The following PIK3C2A variants were observed in gnomAD, a reference collection of about 807,000 sequenced individuals.
The protein encoded by PIK3C2A is phosphatidylinositol 4-phosphate 3-kinase C2 domain-containing subunit alpha.
PIK3C2A carries 97 observed loss-of-function variants against 204.5 expected under a neutral mutation model. The ratio of observed to expected loss-of-function variants is 0.47; its 90% CI spans 0.40 to 0.56. PIK3C2A has a LOEUF of 0.56. Among genes scored for constraint, PIK3C2A ranks in the 20% least tolerant of loss-of-function variants. The probability of loss-of-function intolerance (pLI) is 0.00; values close to 1 mark genes in which losing one functional copy is unlikely to be tolerated. For synonymous variants in PIK3C2A, 653 were observed against 664.4 expected (o/e 0.98, Z 0.26); for missense variants, 1,735 against 1,969.2 (o/e 0.88, Z 2.25).
chr11:17,118,453 C>T (rs762468987), intron 18 of PIK3C2A, among the ~76,000 whole-genome samples, 192 bp downstream of exon 18: 1 of 152,034 alleles, frequency 6.6e-6, no homozygotes, highest in Non-Finnish European at 1.5e-5. Flanking sequence ...CTATAAGACA[C>T]CAAATTTTTG....
At chr11:17,167,274 A>C (rs1590985366) in intron 2 of PIK3C2A, among the ~76,000 whole-genome samples, 1 of 152,104 alleles carries the variant, frequency 6.6e-6, no homozygotes, top group South Asian at 2.1e-4. Flanking sequence ...TGCTGTCTAA[A>C]CCTTCTTAAC....
intron 26 of PIK3C2A, among the ~76,000 whole-genome samples, chr11:17,099,095 A>G (rs1398468394): frequency 5.9e-5 from 9 of 152,118 alleles, no homozygotes; most frequent in Admixed American, 5.9e-4. Context: ...GGGTTTCTCC[A>G]TGTTGGTCAG....
At chr11:17,120,800 C>T (rs1185421292) in intron 15 of PIK3C2A, among the ~76,000 whole-genome samples, 2 of 151,988 alleles carry the variant, frequency 1.3e-5, no homozygotes, top group Non-Finnish European at 2.9e-5. Context: ...CAGCTATAAT[C>T]TCATTTTTAT....
chr11:17,193,907 GAAAAGAA>G (rs2137560237), intron 1 of PIK3C2A: 1 of 240,286 alleles, frequency 4.2e-6, no homozygotes, highest in Non-Finnish European at 7.6e-6. Context: ...GAAAAGAAAA[GAAAAGAA>G]AAGAAACCCC....
Position 17,145,668 on chromosome 11 carries a change from T to A in PIK3C2A, c.1704A>T (p.Glu568Asp). The A allele has an allele frequency of 1.0e-5, 16 of 1,586,246 alleles. No individual in the cohort carries two copies. Among genetic ancestry groups the A allele is most frequent in the Non-Finnish European group, 1.4e-5 (16 of 1,157,314 alleles). ...TGCCAAAATGTGAATTAAGACTTAC[T>A]TCAATTTGAAGAGCCAGTTCTACTT... The part of the protein sequence containing the change: ...HNQVELALQI[E>D]NQHRAVDQVI... Residue 568 changes from glutamate to aspartate, a missense_variant and splice_region_variant, in exon 8 of 33, where the codon GAA (glutamate) becomes GAT (aspartate). Physicochemically the swap from Glu to Asp is conservative, Grantham distance 45. This residue lies in a region of PIK3C2A where 106 missense variants were observed against 108.2 expected (regional missense o/e 0.98). Coordinates refer to ENST00000691414, the MANE Select transcript of PIK3C2A (RefSeq NM_002645.4).
chr11:17,132,773 A>G (rs1849741500), intron 11 of PIK3C2A, among the ~76,000 whole-genome samples: 2 of 152,228 alleles, frequency 1.3e-5, no homozygotes, highest in South Asian at 4.1e-4. Flanking sequence ...AGCTACTGAA[A>G]TAGAGTCAGC....
At position 17,144,809 on chromosome 11, in the gene PIK3C2A, T is replaced by C. The variant is rs556786722; in HGVS notation, c.1704+859A>G. Among the ~76,000 whole-genome samples, 215 of 140,388 alleles carry C rather than the reference T, an allele frequency of 1.5e-3. 1 individual carries two copies. The highest frequency in any genetic ancestry group is 3.8e-4 in the Non-Finnish European group (25 of 66,428). The allele number at this position is 140,388 out of a possible 152,430, so 92.1% of individuals were successfully genotyped here. A position where few individuals can be genotyped will look rare whatever the true frequency, so the allele number is the denominator to read the frequency against. On this transcript the variant is annotated intron_variant, in intron 8 of 32. Coordinates refer to ENST00000691414, the MANE Select transcript of PIK3C2A (RefSeq NM_002645.4). ...TACTCAGGAGGCTGAGGCAGGAGAA[T>C]CATTTGAACCAGGAGGCAGAGGTTG...
intron 8 of PIK3C2A, among the ~76,000 whole-genome samples, chr11:17,136,900 T>C (rs1220720440): frequency 6.6e-6 from 1 of 152,238 alleles, no homozygotes; most frequent in African/African-American, 2.4e-5. Context: ...CATAAATTAG[T>C]AGCAAATCAC....
chr11:17,148,619 TA>T (rs1423471888), intron 5 of PIK3C2A, 47 bp downstream of exon 5: 3 of 1,575,824 alleles, frequency 1.9e-6, no homozygotes, highest in Admixed American at 3.5e-5. Flanking sequence ...ATTAAACCAT[TA>T]AAAATGAAAT....
At chr11:17,106,051 G>A (rs1464141967) in intron 22 of PIK3C2A, among the ~76,000 whole-genome samples, 2 of 151,778 alleles carry the variant, frequency 1.3e-5, no homozygotes, top group African/African-American at 2.4e-5. Context: ...AGAGGTTGCA[G>A]TGAGCCAAGA....
chr11:17,137,423 C>CTTTTTTTTTTTTTTTTTTTT lies in PIK3C2A; in HGVS notation c.1705-799_1705-798insAAAAAAAAAAAAAAAAAAAA, dbSNP rs33912263. 1.6e-5 allele frequency among the ~76,000 whole-genome samples: 2 copies of CTTTTTTTTTTTTTTTTTTTT among 125,050 alleles called. 1 individual carries two copies. The highest frequency in any genetic ancestry group is 5.9e-5 in the African/African-American group (2 of 33,732). The allele number at this position is 125,050 out of a possible 152,430, so 82.0% of individuals were successfully genotyped here. A position where few individuals can be genotyped will look rare whatever the true frequency, so the allele number is the denominator to read the frequency against. ...CCTATATTACTTCATATTACTTTGC[C>CTTTTTTTTTTTTTTTTTTTT]TTTTTTTTTGAGACGGACTCTCATT... is the stretch of plus-strand genomic sequence containing the variant. On this transcript the variant is annotated intron_variant, in intron 8 of 32. Transcript: ENST00000691414.
At chr11:17,150,410 T>C in intron 4 of PIK3C2A, 88 bp downstream of exon 4, 1 of 1,160,928 alleles carries the variant, frequency 8.6e-7, no homozygotes, top group Non-Finnish European at 1.2e-6. Context: ...ATAACAAAAT[T>C]GGTTTATTAA....
chr11:17,159,980 C>T (rs575163077), intron 2 of PIK3C2A, among the ~76,000 whole-genome samples: 3 of 152,316 alleles, frequency 2.0e-5, no homozygotes, highest in Admixed American at 6.5e-5. Context: ...GAGGCTCACT[C>T]ACATTAAGCA....
chr11:17,179,430 G>A (rs1851457837), intron 1 of PIK3C2A, among the ~76,000 whole-genome samples: 1 of 151,958 alleles, frequency 6.6e-6, no homozygotes, highest in African/African-American at 2.4e-5. Flanking sequence ...CCAAAGCACT[G>A]GGATTACTGG....
intron 13 of PIK3C2A, 84 bp downstream of exon 13, chr11:17,129,216 T>C (rs1849618604): frequency 9.6e-7 from 1 of 1,039,770 alleles, no homozygotes; most frequent in African/African-American, 1.6e-5. Flanking sequence ...TCTATGTTCC[T>C]CCCCTCACCT....
chr11:17,144,271 T>C (rs759602080), intron 8 of PIK3C2A, among the ~76,000 whole-genome samples: 1 of 152,188 alleles, frequency 6.6e-6, no homozygotes, highest in African/African-American at 2.4e-5. Flanking sequence ...GAGGCCTTCT[T>C]TGAACCCTCA....
Position 17,094,260 on chromosome 11 carries a change from C to A in PIK3C2A, c.4451+1G>T, listed in dbSNP as rs772022307. 6.2e-7 allele frequency: 1 copy of A among 1,606,322 alleles called. No individual in the cohort carries two copies. On this transcript the variant is annotated splice_donor_variant, in intron 28 of 32. Transcript: ENST00000691414. LOFTEE classifies it high-confidence loss of function. ...ATTAATGTACAAGGATGAATACATA[C>A]CCTGGTAACTTCCAAAGTGGAAAAA...
chr11:17,178,713 A>ATTTT lies in PIK3C2A; in HGVS notation c.-65-8911_-65-8908dup, dbSNP rs569882194. Among the ~76,000 whole-genome samples the ATTTT allele has an allele frequency of 1.8e-3, 18 of 9,822 alleles. 8 individuals carry two copies. The highest frequency in any genetic ancestry group is 2.7e-3 in the African/African-American group (5 of 1,842). 6.4% of individuals were successfully genotyped at this position (9,822 alleles called of 152,430 possible). A position where few individuals can be genotyped will look rare whatever the true frequency, so the allele number is the denominator to read the frequency against. On this transcript the variant is annotated intron_variant, in intron 1 of 32. Transcript: ENST00000691414. ...GCCACCACACCTGGTTGATTTTTGAATTTTTTTTTTTTTTTTTTTTTTTTT... is the reference window on the plus strand; with the variant it reads ...GCCACCACACCTGGTTGATTTTTGAATTTTTTTTTTTTTTTTTTTTTTTTTTTTT...
intron 32 of PIK3C2A, among the ~76,000 whole-genome samples, chr11:17,090,909 TTTTTC>T (rs1350074663): frequency 6.6e-6 from 1 of 151,716 alleles, no homozygotes; most frequent in Non-Finnish European, 1.5e-5. Flanking sequence ...CTAGCTAATT[TTTTTC>T]TTTTTTTTTT....
Sources: allele counts gnomAD v4.1 joint callset (sites outside exome capture counted in the v4.1 genomes callset), GRCh38; gene constraint gnomAD v4.1.1; regional missense constraint gnomAD v4.1.1; transcripts MANE v1.5; gene names NCBI Gene and HGNC (gene_info 2026-07-23, HGNC 2026-07-21).